SAMD5: variants seen among roughly 807,000 people sequenced by gnomAD.
The protein encoded by SAMD5 is sterile alpha motif domain-containing protein 5.
A neutral mutation model predicts 11.3 loss-of-function variants in SAMD5; 13 were observed. The ratio of observed to expected loss-of-function variants is 1.15; its 90% CI spans 0.75 to 1.83. SAMD5 has a LOEUF of 1.83. Ranked by LOEUF, SAMD5 falls within the 40% of genes most tolerant of loss-of-function variation. The probability of loss-of-function intolerance (pLI) is 0.00; values close to 1 mark genes in which losing one functional copy is unlikely to be tolerated. For missense variants in SAMD5, 255 were observed against 239.1 expected, an observed-to-expected ratio of 1.07 and a Z score of -0.44; for synonymous variants, 129 against 111.3, an observed-to-expected ratio of 1.16 and a Z score of -1.00.
At chr6:147,615,159 C>T (rs74543442) in intron 1 of SAMD5, among the ~76,000 whole-genome samples, 4,217 of 150,812 alleles carry the variant, frequency 0.028, 214 homozygotes, top group African/African-American at 0.091. Flanking sequence ...ACCAATCCCC[C>T]ACAGATATCG....
chr6:147,882,622 T>C, the SAMD5 span, among the ~76,000 whole-genome samples: 2 of 152,358 alleles, frequency 1.3e-5, no homozygotes, highest in Admixed American at 1.3e-4. Flanking sequence ...TTATGGTTGT[T>C]GTTATTGTTA....
At chr6:147,813,004 C>T in the SAMD5 span, among the ~76,000 whole-genome samples, 2 of 152,218 alleles carry the variant, frequency 1.3e-5, no homozygotes, top group African/African-American at 4.8e-5. Context: ...ATTGTTATTG[C>T]ATCAGCACCA....
chr6:147,816,910 G>A, the SAMD5 span, among the ~76,000 whole-genome samples: 3 of 151,392 alleles, frequency 2.0e-5, no homozygotes, highest in African/African-American at 7.3e-5. Flanking sequence ...TGGCCTCGAA[G>A]GTCCTGTAGT....
At chr6:147,666,353 A>T (rs559750366) in intron 1 of SAMD5, among the ~76,000 whole-genome samples, 29 of 152,350 alleles carry the variant, frequency 1.9e-4, no homozygotes, top group African/African-American at 7.0e-4. Context: ...TATTTTGAGA[A>T]GAGGGCCTTA....
At chr6:147,776,540 T>C in the SAMD5 span, among the ~76,000 whole-genome samples, 1,236 of 152,334 alleles carry the variant, frequency 8.1e-3, 13 homozygotes, top group African/African-American at 0.029. Flanking sequence ...TGTGTTTCTC[T>C]CTTCACATTT....
At chr6:147,580,025 G>A (rs534069948) in intron 1 of SAMD5, among the ~76,000 whole-genome samples, 1 of 152,288 alleles carries the variant, frequency 6.6e-6, no homozygotes, top group East Asian at 1.9e-4. Context: ...GCAGGAGGGA[G>A]TATCAAAATG....
the SAMD5 span, among the ~76,000 whole-genome samples, chr6:147,946,262 T>C: frequency 6.6e-6 from 1 of 152,204 alleles, no homozygotes; most frequent in Non-Finnish European, 1.5e-5. Context: ...CTCTACCATC[T>C]TGATGTGTGG....
intron 1 of SAMD5, among the ~76,000 whole-genome samples, chr6:147,644,063 A>G (rs1790358544): frequency 6.6e-6 from 1 of 152,136 alleles, no homozygotes; most frequent in African/African-American, 2.4e-5. Flanking sequence ...ATGTTGATTC[A>G]TTGCATGATG....
chr6:147,945,938 G>T, the SAMD5 span, among the ~76,000 whole-genome samples: 2 of 152,172 alleles, frequency 1.3e-5, no homozygotes, highest in Non-Finnish European at 2.9e-5. Flanking sequence ...TTACTGGGAG[G>T]TGAGAACAGG....
intron 1 of SAMD5, among the ~76,000 whole-genome samples, chr6:147,721,931 C>A (rs1482168671): frequency 6.6e-6 from 1 of 152,052 alleles, no homozygotes; most frequent in East Asian, 1.9e-4. Flanking sequence ...TTATGATGTT[C>A]CAATACAGAA....
At chr6:147,706,948 T>G (rs1379860423) in intron 1 of SAMD5, among the ~76,000 whole-genome samples, 3 of 152,224 alleles carry the variant, frequency 2.0e-5, no homozygotes, top group African/African-American at 7.2e-5. Flanking sequence ...GGTTGAGATA[T>G]GTGATCAATT....
the SAMD5 span, among the ~76,000 whole-genome samples, chr6:147,825,411 A>G: frequency 6.6e-6 from 1 of 152,196 alleles, no homozygotes; most frequent in Non-Finnish European, 1.5e-5. Flanking sequence ...ATGAATGATT[A>G]TTATTTTCTG....
chr6:147,616,495 G>A (rs9373528), intron 1 of SAMD5, among the ~76,000 whole-genome samples: 27,271 of 151,768 alleles, frequency 0.18, 5,032 homozygotes, highest in African/African-American at 0.47. Flanking sequence ...GTTGCTCTTC[G>A]GCTTTAATAG....
the SAMD5 span, among the ~76,000 whole-genome samples, chr6:147,785,493 A>G: frequency 2.0e-5 from 3 of 152,156 alleles, no homozygotes; most frequent in Non-Finnish European, 4.4e-5. Context: ...AGTCCTGGCC[A>G]CACCAGCCAA....
the SAMD5 span, among the ~76,000 whole-genome samples, chr6:147,804,376 C>T: frequency 2.6e-5 from 4 of 152,092 alleles, no homozygotes; most frequent in Non-Finnish European, 4.4e-5. Flanking sequence ...TCCCAAAGTG[C>T]TGGGATTACA....
Position 147,704,295 on chromosome 6 carries a change from C to T in SAMD5, c.163-33022C>T, listed in dbSNP as rs184409933. On this transcript the variant is annotated intron_variant, in intron 1 of 1. Transcript: ENST00000566741. ...TGGCCTACAAAAAGAGGCATACAGG[C>T]GCCCTCAACATTTAATTTTCTAGAA... 1.1e-3 allele frequency among the ~76,000 whole-genome samples: 161 copies of T among 151,858 alleles called. 1 individual carries two copies. The highest frequency in any genetic ancestry group is 3.1e-3 in the East Asian group (16 of 5,176).
At chr6:147,895,628 G>A in the SAMD5 span, among the ~76,000 whole-genome samples, 2 of 152,110 alleles carry the variant, frequency 1.3e-5, no homozygotes, top group African/African-American at 4.8e-5. Context: ...AGTAATGAAA[G>A]GCTTGATTCC....
At chr6:147,862,660 A>G in the SAMD5 span, among the ~76,000 whole-genome samples, 1 of 152,206 alleles carries the variant, frequency 6.6e-6, no homozygotes, top group Admixed American at 6.5e-5. Flanking sequence ...AATTTACCCT[A>G]AAATAAGTAT....
chr6:147,701,972 G>A (rs1434218824), intron 1 of SAMD5, among the ~76,000 whole-genome samples: 2 of 152,122 alleles, frequency 1.3e-5, no homozygotes, highest in South Asian at 4.2e-4. Flanking sequence ...AATTGGAAAC[G>A]GGAAGGGCCC....
Sources: allele counts gnomAD v4.1 joint callset (sites outside exome capture counted in the v4.1 genomes callset), GRCh38; gene constraint gnomAD v4.1.1; transcripts MANE v1.5; gene names NCBI Gene and HGNC (gene_info 2026-07-23, HGNC 2026-07-21).